The following B3GLCT variants were observed in gnomAD, a reference collection of about 807,000 sequenced individuals.
B3GLCT encodes beta-1,3-glucosyltransferase.
A neutral mutation model predicts 63.4 loss-of-function variants in B3GLCT; 65 were observed. The ratio of observed to expected loss-of-function variants is 1.03; its 90% CI spans 0.84 to 1.26. The LOEUF (loss-of-function observed/expected upper bound fraction) is 1.26, where lower values mean the gene tolerates loss of function less well. B3GLCT is among the 50% of genes most tolerant of loss of function. The pLI is 0.00. For missense variants in B3GLCT, 577 were observed against 604.8 expected, an observed-to-expected ratio of 0.95 and a Z score of 0.48; for synonymous variants, 233 against 219.2, an observed-to-expected ratio of 1.06 and a Z score of -0.55.
chr13:31,310,784 C>T (rs1169687185), intron 12 of B3GLCT, among the ~76,000 whole-genome samples: 1 of 152,252 alleles, frequency 6.6e-6, no homozygotes, highest in Non-Finnish European at 1.5e-5. Context: ...CCCCTTGGGG[C>T]TCCGCAGTTG....
At chr13:31,264,380 G>A (rs1029072246) in intron 7 of B3GLCT, among the ~76,000 whole-genome samples, 15 of 152,082 alleles carry the variant, frequency 9.9e-5, no homozygotes, top group Non-Finnish European at 1.6e-4. Flanking sequence ...TGTGTCATCT[G>A]CTCGTCACAA....
chr13:31,247,112 A>G lies in B3GLCT; in HGVS notation c.347+13A>G. The stretch of plus-strand genomic sequence containing the variant: ...CGTTGTTACCGCAGTACGTTTGTTT[A>G]ACTCACCTGTGAATTACTGACATTC... On this transcript the variant is annotated intron_variant, in intron 5 of 14. Coordinates refer to ENST00000343307, the MANE Select transcript of B3GLCT (RefSeq NM_194318.4). The G allele has an allele frequency of 6.3e-7, 1 of 1,599,534 alleles. No individual in the cohort carries two copies. Among genetic ancestry groups the G allele is most frequent in the Non-Finnish European group, 8.6e-7 (1 of 1,167,100 alleles).
chr13:31,249,661 A>G (rs1871336946), intron 6 of B3GLCT, among the ~76,000 whole-genome samples: 1 of 152,254 alleles, frequency 6.6e-6, no homozygotes, highest in Admixed American at 6.5e-5. Context: ...CATGAAAAGC[A>G]AGTACAGAAC....
At chr13:31,223,484 C>T (rs1009696098) in intron 3 of B3GLCT, among the ~76,000 whole-genome samples, 3 of 152,178 alleles carry the variant, frequency 2.0e-5, no homozygotes, top group Non-Finnish European at 4.4e-5. Flanking sequence ...TCCCGAGCAT[C>T]CTGGCCTGGA....
rs555437821 is a variant in B3GLCT at position 31,308,332 on chromosome 13, T to TA, written c.1065-9221dup. On this transcript the variant is annotated intron_variant, in intron 12 of 14. Coordinates refer to ENST00000343307, the MANE Select transcript of B3GLCT (RefSeq NM_194318.4). ...ATGTACCCTAAAACTTAGAGTATAATAAAAAAAAAAAAATTAAAAAAAAAA... is the reference window on the plus strand; with the variant it reads ...ATGTACCCTAAAACTTAGAGTATAATAAAAAAAAAAAAAATTAAAAAAAAAA... Among the ~76,000 whole-genome samples, 239 of 32,832 alleles carry TA rather than the reference T, an allele frequency of 7.3e-3. 7 individuals are homozygous for TA. Among genetic ancestry groups the TA allele is most frequent in the Middle Eastern group, 0.021 (1 of 48 alleles). 21.5% of individuals were successfully genotyped at this position (32,832 alleles called of 152,430 possible). A position where few individuals can be genotyped will look rare whatever the true frequency, so the allele number is the denominator to read the frequency against.
intron 3 of B3GLCT, 69 bp downstream of exon 3, chr13:31,223,060 A>T (rs749099138): frequency 2.7e-5 from 29 of 1,065,362 alleles, no homozygotes; most frequent in Non-Finnish European, 4.2e-5. Context: ...TATTTCCATG[A>T]AGTGATTTTT....
rs1449187007 is a variant in B3GLCT at position 31,330,958 on chromosome 13, A to G, written c.*1290A>G. ...TGTGTTAATATGTTTTTCTTGTAGC[A>G]TAGATTGACTATTTGCAATAGTATT... On this transcript the variant is annotated 3_prime_UTR_variant, in exon 15 of 15. Coordinates refer to ENST00000343307, the MANE Select transcript of B3GLCT (RefSeq NM_194318.4). 6.6e-6 allele frequency: 1 copy of G among 152,186 alleles called. No homozygotes were observed. Among genetic ancestry groups the G allele is most frequent in the Non-Finnish European group, 1.5e-5 (1 of 68,036 alleles). The allele number at this position is 152,186 out of a possible 1,614,324, so 9.4% of individuals were successfully genotyped here.
chr13:31,329,271 T>C (rs1022622487), intron 14 of B3GLCT, among the ~76,000 whole-genome samples: 8 of 152,166 alleles, frequency 5.3e-5, no homozygotes, highest in Non-Finnish European at 1.2e-4. Flanking sequence ...CTATGGAACA[T>C]AGAAGCAAAA....
At chr13:31,270,936 GA>G (rs1872552423) in intron 8 of B3GLCT, among the ~76,000 whole-genome samples, 1 of 145,242 alleles carries the variant, frequency 6.9e-6, no homozygotes, top group African/African-American at 2.9e-5. Flanking sequence ...TCTCAGCAAA[GA>G]GAGGGGGTCC....
intron 4 of B3GLCT, among the ~76,000 whole-genome samples, chr13:31,230,768 G>A (rs1870337806): frequency 6.6e-6 from 1 of 152,118 alleles, no homozygotes; most frequent in Non-Finnish European, 1.5e-5. Flanking sequence ...CCAGCACTTT[G>A]GGAGGCCGAG....
At chr13:31,286,916 G>A (rs1049954719) in intron 12 of B3GLCT, 97 bp downstream of exon 12, 9 of 816,300 alleles carry the variant, frequency 1.1e-5, no homozygotes, top group East Asian at 8.0e-5. Context: ...ATGAAGTAAC[G>A]GGGACGGGGT....
chr13:31,323,679 C>T (rs948324327), intron 13 of B3GLCT, 72 bp from the exon 14 acceptor site: 43 of 1,571,382 alleles, frequency 2.7e-5, no homozygotes, highest in Middle Eastern at 2.0e-4. Context: ...TCCTGTTTCC[C>T]GGGGCCCATT....
chr13:31,230,963 G>A (rs568134581), intron 4 of B3GLCT, among the ~76,000 whole-genome samples: 9 of 152,102 alleles, frequency 5.9e-5, no homozygotes, highest in Non-Finnish European at 8.8e-5. Context: ...AACTGAGATC[G>A]CGCCACTGCC....
chr13:31,328,131 A>G (rs1875728243), intron 14 of B3GLCT, among the ~76,000 whole-genome samples: 1 of 152,202 alleles, frequency 6.6e-6, no homozygotes, highest in East Asian at 1.9e-4. Flanking sequence ...GGTAAATTGG[A>G]AGTGAACCAT....
At chr13:31,296,923 A>G (rs1031383655) in intron 12 of B3GLCT, among the ~76,000 whole-genome samples, 1 of 151,766 alleles carries the variant, frequency 6.6e-6, no homozygotes, top group East Asian at 1.9e-4. Flanking sequence ...ATAACTCTCT[A>G]TACTCCCCTA....
intron 4 of B3GLCT, among the ~76,000 whole-genome samples, chr13:31,233,596 C>T (rs1372663667): frequency 1.3e-5 from 2 of 152,096 alleles, no homozygotes; most frequent in Admixed American, 6.6e-5. Context: ...GTGTGTAGGC[C>T]AAGCTGCTTC....
At chr13:31,228,612 A>G (rs1215400043) in intron 3 of B3GLCT, among the ~76,000 whole-genome samples, 1 of 152,146 alleles carries the variant, frequency 6.6e-6, no homozygotes, top group Non-Finnish European at 1.5e-5. Flanking sequence ...TCTGTGTGTC[A>G]TTTATGTGTC....
In B3GLCT at chr13:31,329,927, C is replaced by G; in HGVS notation, c.*259C>G. The G allele has an allele frequency of 2.1e-6, 1 of 484,708 alleles. No individual in the cohort carries two copies. Among genetic ancestry groups the G allele is most frequent in the Non-Finnish European group, 3.8e-6 (1 of 266,242 alleles). The allele number at this position is 484,708 out of a possible 1,614,324, so 30.0% of individuals were successfully genotyped here. ...ACACTTAGTGATGACTGTGTATTCT[C>G]CAAGCTGTGATACAGCAGTTTTTTT... On this transcript the variant is annotated 3_prime_UTR_variant, in exon 15 of 15. Transcript: ENST00000343307.
At chr13:31,228,056 G>A (rs1870188909) in intron 3 of B3GLCT, among the ~76,000 whole-genome samples, 1 of 152,214 alleles carries the variant, frequency 6.6e-6, no homozygotes, top group Admixed American at 6.5e-5. Context: ...GGTCTTTGTG[G>A]GCAGGACATA....
Sources: gnomAD v4.1 joint callset for allele counts (sites outside exome capture counted in the v4.1 genomes callset) on GRCh38, gnomAD v4.1.1 for gene constraint, MANE v1.5 for transcripts, NCBI Gene and HGNC (gene_info 2026-07-23, HGNC 2026-07-21) for gene names.